The following LRRK1 variants were observed in gnomAD, a reference collection of about 807,000 sequenced individuals.
LRRK1 encodes the protein leucine rich repeat kinase 1.
In LRRK1, 113 loss-of-function variants were observed where a neutral mutation model predicts 209.1. That is an observed-to-expected ratio of 0.54 (90% CI 0.46 to 0.63). LRRK1 has a LOEUF of 0.63. Ranked by LOEUF, LRRK1 falls within the 30% of genes least tolerant of loss-of-function variation. The pLI is 0.00. For synonymous variants in LRRK1, 1,144 were observed against 1,099.7 expected (o/e 1.04, Z -0.80); for missense variants, 2,284 against 2,632.2 (o/e 0.87, Z 2.89).
chr15:100,942,170 A>G (rs1275442747), intron 2 of LRRK1, among the ~76,000 whole-genome samples: 1 of 152,210 alleles, frequency 6.6e-6, no homozygotes. Flanking sequence ...GTGCACTTGC[A>G]GGAAATACTG....
At chr15:100,923,907 C>G (rs1470774462) in intron 1 of LRRK1, among the ~76,000 whole-genome samples, 1 of 152,180 alleles carries the variant, frequency 6.6e-6, no homozygotes, top group Non-Finnish European at 1.5e-5. Context: ...GGGAAAGGGG[C>G]AGAATTTTTG....
chr15:101,035,118 A>G (rs960571709), intron 20 of LRRK1, among the ~76,000 whole-genome samples: 8 of 151,712 alleles, frequency 5.3e-5, no homozygotes, highest in Admixed American at 5.2e-4. Context: ...CTTATTTATT[A>G]TGTGGTTTCT....
intron 20 of LRRK1, among the ~76,000 whole-genome samples, chr15:101,039,060 C>T (rs2034622142): frequency 6.6e-6 from 1 of 152,158 alleles, no homozygotes; most frequent in Non-Finnish European, 1.5e-5. Context: ...TGACACCCTC[C>T]AATTTTGTTC....
chr15:100,969,253 A>C (rs180906585), intron 2 of LRRK1, among the ~76,000 whole-genome samples: 1 of 152,294 alleles, frequency 6.6e-6, no homozygotes. Context: ...TGTAGTCTAT[A>C]ATTTGCCTAT....
In LRRK1 at chr15:101,021,931, A is replaced by G. The variant is rs376893013; in HGVS notation, c.1826A>G (p.Asn609Ser). Residue 609 changes from asparagine to serine, a missense_variant, in exon 14 of 34, where the codon AAT becomes AGT. Asn to Ser is a conservative substitution (Grantham distance 46). Transcript: ENST00000388948. ...QLDTEDLTIS[N>S]VPAEIQKEGP... ...GACACTGAAGACCTGACCATCAGCA[A>G]TGTGCCTGCAGAAATCCAAAAAGAA... 2.5e-6 allele frequency: 4 copies of G among 1,613,924 alleles called. No individual in the cohort carries two copies. The highest frequency in any genetic ancestry group is 1.3e-5 in the African/African-American group (1 of 74,996).
chr15:101,019,482 G>A (rs749867948), intron 12 of LRRK1, among the ~76,000 whole-genome samples: 10 of 152,206 alleles, frequency 6.6e-5, no homozygotes, highest in Non-Finnish European at 1.2e-4. Context: ...AGCCCCTGCA[G>A]TGAGTCCCAT....
chr15:100,935,919 T>A (rs1334782157), intron 2 of LRRK1, among the ~76,000 whole-genome samples: 1 of 152,174 alleles, frequency 6.6e-6, no homozygotes, highest in African/African-American at 2.4e-5. Context: ...CCAAGCTTCT[T>A]TACAGCCTAC....
intron 3 of LRRK1, among the ~76,000 whole-genome samples, chr15:100,982,044 G>T (rs1187491001): frequency 6.6e-6 from 1 of 152,132 alleles, no homozygotes; most frequent in Non-Finnish European, 1.5e-5. Flanking sequence ...TCCTCAGTAG[G>T]TGTTGATGGG....
At chr15:100,947,964 A>G (rs2042574565) in intron 2 of LRRK1, among the ~76,000 whole-genome samples, 1 of 152,238 alleles carries the variant, frequency 6.6e-6, no homozygotes, top group African/African-American at 2.4e-5. Context: ...CTGGAATCTT[A>G]AAATCAACAA....
At chr15:101,033,873 A>T (rs1430840682) in intron 20 of LRRK1, among the ~76,000 whole-genome samples, 1 of 152,180 alleles carries the variant, frequency 6.6e-6, no homozygotes, top group African/African-American at 2.4e-5. Context: ...ACTAATTTAC[A>T]TTACAGCCAA....
At chr15:100,922,440 A>G (rs2042036173) in intron 1 of LRRK1, among the ~76,000 whole-genome samples, 1 of 148,408 alleles carries the variant, frequency 6.7e-6, no homozygotes. Context: ...TAATTTTAAG[A>G]TTTTTTTTTT....
intron 2 of LRRK1, 75 bp downstream of exon 2, chr15:100,924,804 T>A: frequency 9.1e-7 from 1 of 1,101,270 alleles, no homozygotes; most frequent in Non-Finnish European, 1.4e-6. Flanking sequence ...CTAGGCTATG[T>A]AAGAACAAGG....
chr15:100,986,945 C>T (rs2031907980), intron 4 of LRRK1, among the ~76,000 whole-genome samples: 1 of 152,204 alleles, frequency 6.6e-6, no homozygotes, highest in South Asian at 2.1e-4. Context: ...GTTTCCTCAT[C>T]TTAAAATCAT....
intron 29 of LRRK1, among the ~76,000 whole-genome samples, chr15:101,059,810 C>T (rs1022213256): frequency 2.0e-5 from 3 of 152,222 alleles, no homozygotes; most frequent in Non-Finnish European, 4.4e-5. Flanking sequence ...CAAAGTGAAC[C>T]AGGGCTCATC....
At chr15:101,038,461 T>C (rs2034590498) in intron 20 of LRRK1, among the ~76,000 whole-genome samples, 1 of 152,142 alleles carries the variant, frequency 6.6e-6, no homozygotes, top group South Asian at 2.1e-4. Flanking sequence ...CTCCGAGCAG[T>C]GCCATTGCAC....
At chr15:100,947,653 G>A (rs982118667) in intron 2 of LRRK1, among the ~76,000 whole-genome samples, 3 of 152,126 alleles carry the variant, frequency 2.0e-5, no homozygotes, top group African/African-American at 7.2e-5. Context: ...GGGCAGAAAC[G>A]CATATGCATT....
chr15:101,075,473 T>C lies in LRRK1; in HGVS notation c.*6625T>C, dbSNP rs1184342561. 1.7e-4 allele frequency: 21 copies of C among 123,204 alleles called. No homozygotes were observed. In the East Asian group the frequency reaches 4.3e-3, roughly 25 times the overall value. The allele number at this position is 123,204 out of a possible 1,614,324, so 7.6% of individuals were successfully genotyped here. A position where few individuals can be genotyped will look rare whatever the true frequency, so the allele number is the denominator to read the frequency against. On this transcript the variant is annotated 3_prime_UTR_variant, in exon 34 of 34. Transcript: ENST00000388948. ...CTACTCCCTCCTTGGTGACCGATCATGCACCCCTTACCATCTCATCGAAAC... is the reference window on the plus strand; with the variant it reads ...CTACTCCCTCCTTGGTGACCGATCACGCACCCCTTACCATCTCATCGAAAC...
At chr15:101,064,951 G>A (rs749868609) in intron 31 of LRRK1, 8 of 239,728 alleles carry the variant, frequency 3.3e-5, no homozygotes, top group South Asian at 1.3e-4. Flanking sequence ...AAGCAGCACC[G>A]AGAAAAGGGC....
At chr15:100,967,417 G>A (rs11855904) in intron 2 of LRRK1, among the ~76,000 whole-genome samples, 106,949 of 152,090 alleles carry the variant, frequency 0.7, 37,959 homozygotes, top group Middle Eastern at 0.76. Context: ...GGATTTTCAG[G>A]ACGATTGCCT....
Sources: gnomAD v4.1 joint callset for allele counts (sites outside exome capture counted in the v4.1 genomes callset) on GRCh38, gnomAD v4.1.1 for gene constraint, MANE v1.5 for transcripts, NCBI Gene and HGNC (gene_info 2026-07-23, HGNC 2026-07-21) for gene names.